TRAPPC9: variants seen among roughly 807,000 people sequenced by gnomAD.
TRAPPC9 encodes the protein trafficking protein particle complex subunit 9.
In TRAPPC9, 83 loss-of-function variants were observed where a neutral mutation model predicts 124.0. That is an observed-to-expected ratio of 0.67 (90% CI 0.56 to 0.80). The LOEUF is 0.80. Among genes scored for constraint, TRAPPC9 ranks in the 30% least tolerant of loss-of-function variants. The probability of loss-of-function intolerance (pLI) is 0.00; values close to 1 mark genes in which losing one functional copy is unlikely to be tolerated. For synonymous variants in TRAPPC9, 638 were observed against 617.5 expected (o/e 1.03, Z -0.49); for missense variants, 1,302 against 1,508.3 (o/e 0.86, Z 2.27).
chr8:140,153,473 C>A (rs1339319327), intron 17 of TRAPPC9, among the ~76,000 whole-genome samples: 1 of 152,090 alleles, frequency 6.6e-6, no homozygotes, highest in Non-Finnish European at 1.5e-5. Context: ...GCTATCAACA[C>A]TCTGTGCACA....
chr8:139,830,344 ACG>A (rs1309793336), intron 21 of TRAPPC9, among the ~76,000 whole-genome samples: 1 of 152,022 alleles, frequency 6.6e-6, no homozygotes, highest in African/African-American at 2.4e-5. Flanking sequence ...GAATATACAC[ACG>A]CAATTACACA....
chr8:139,912,747 T>G (rs1393382796), intron 19 of TRAPPC9, among the ~76,000 whole-genome samples: 1 of 152,196 alleles, frequency 6.6e-6, no homozygotes, highest in East Asian at 1.9e-4. Flanking sequence ...ACCCCTGAGG[T>G]TGAACATTTT....
At chr8:139,919,827 G>C (rs951274953) in intron 19 of TRAPPC9, among the ~76,000 whole-genome samples, 1 of 152,196 alleles carries the variant, frequency 6.6e-6, no homozygotes, top group Non-Finnish European at 1.5e-5. Context: ...GCAGTGGCTT[G>C]AGGGCCCAAG....
intron 21 of TRAPPC9, among the ~76,000 whole-genome samples, chr8:139,789,724 G>C (rs563610443): frequency 6.6e-6 from 1 of 152,192 alleles, no homozygotes; most frequent in Non-Finnish European, 1.5e-5. Context: ...CTGTGACGCC[G>C]GAAGCCTGTG....
intron 20 of TRAPPC9, among the ~76,000 whole-genome samples, chr8:139,888,620 C>T (rs1048074313): frequency 1.3e-5 from 2 of 152,174 alleles, no homozygotes; most frequent in Non-Finnish European, 1.5e-5. Flanking sequence ...GTCTTACTCT[C>T]GCGCAAGCAA....
chr8:140,043,595 C>G (rs144011161), intron 17 of TRAPPC9, among the ~76,000 whole-genome samples: 1 of 152,326 alleles, frequency 6.6e-6, no homozygotes, highest in East Asian at 1.9e-4. Context: ...CACAGCACAT[C>G]TGAAGGAGCA....
chr8:139,909,232 C>T (rs936361946), intron 20 of TRAPPC9, among the ~76,000 whole-genome samples: 1 of 152,186 alleles, frequency 6.6e-6, no homozygotes, highest in Admixed American at 6.5e-5. Flanking sequence ...ATCAGAGCTG[C>T]CCCTTCCCCG....
At chr8:140,302,509 T>C (rs2066008688) in intron 10 of TRAPPC9, among the ~76,000 whole-genome samples, 1 of 152,202 alleles carries the variant, frequency 6.6e-6, no homozygotes. Flanking sequence ...AGGGATAAAG[T>C]GTCCAAGACA....
At chr8:139,846,164 C>A (rs1563858929) in intron 21 of TRAPPC9, among the ~76,000 whole-genome samples, 1 of 152,246 alleles carries the variant, frequency 6.6e-6, no homozygotes, top group Non-Finnish European at 1.5e-5. Flanking sequence ...TCAGACAGCT[C>A]GGCTTGGTGC....
At chr8:139,836,035 G>T (rs1198226560) in intron 21 of TRAPPC9, among the ~76,000 whole-genome samples, 1 of 151,380 alleles carries the variant, frequency 6.6e-6, no homozygotes, top group Non-Finnish European at 1.5e-5. Context: ...TTGAGACAGA[G>T]TCTCACTCCG....
intron 16 of TRAPPC9, among the ~76,000 whole-genome samples, chr8:140,251,112 T>C (rs1335407635): frequency 1.3e-5 from 2 of 152,106 alleles, no homozygotes; most frequent in Non-Finnish European, 2.9e-5. Flanking sequence ...TTCCACACTG[T>C]TCCTCAGGAA....
intron 19 of TRAPPC9, among the ~76,000 whole-genome samples, chr8:139,948,265 A>G (rs956690614): frequency 1.5e-4 from 9 of 60,356 alleles, no homozygotes; most frequent in African/African-American, 2.6e-4. Context: ...ACACACACAC[A>G]CACACACACA....
intron 7 of TRAPPC9, among the ~76,000 whole-genome samples, chr8:140,381,031 C>A (rs1044243635): frequency 2.0e-5 from 3 of 151,684 alleles, no homozygotes; most frequent in African/African-American, 4.8e-5. Flanking sequence ...ATTATGAAAC[C>A]CTGTCTTTAC....
At chr8:140,152,238 A>AG (rs1330387798) in intron 17 of TRAPPC9, among the ~76,000 whole-genome samples, 2 of 148,024 alleles carry the variant, frequency 1.4e-5, no homozygotes, top group African/African-American at 5.1e-5. Context: ...TAAGCTTTAA[A>AG]AAAAAAAAAA....
chr8:140,014,631 G>A (rs76332856), intron 18 of TRAPPC9, among the ~76,000 whole-genome samples: 1,535 of 152,202 alleles, frequency 0.01, 26 homozygotes, highest in African/African-American at 0.035. Flanking sequence ...CAAAGATACG[G>A]CTCCTACAAA....
At chr8:139,744,654 A>G (rs1015068236) in intron 21 of TRAPPC9, among the ~76,000 whole-genome samples, 1 of 152,164 alleles carries the variant, frequency 6.6e-6, no homozygotes, top group Non-Finnish European at 1.5e-5. Flanking sequence ...TTCGCTCTCA[A>G]TCCACCAAAT....
At chr8:139,901,692 A>G (rs1831031720) in intron 20 of TRAPPC9, among the ~76,000 whole-genome samples, 2 of 152,320 alleles carry the variant, frequency 1.3e-5, no homozygotes, top group African/African-American at 4.8e-5. Flanking sequence ...TCCTCTGGTA[A>G]GTGGGGATAA....
intron 17 of TRAPPC9, among the ~76,000 whole-genome samples, chr8:140,042,655 G>C (rs963011221): frequency 1.3e-5 from 2 of 152,178 alleles, no homozygotes; most frequent in African/African-American, 4.8e-5. Context: ...GTCCGGGACC[G>C]CCTGGGCCCA....
chr8:140,079,283 A>G (rs1237807586), intron 17 of TRAPPC9, among the ~76,000 whole-genome samples: 1 of 152,188 alleles, frequency 6.6e-6, no homozygotes, highest in Admixed American at 6.5e-5. Flanking sequence ...GTGAGAACAG[A>G]CTAATACAGA....
Sources: allele counts gnomAD v4.1 joint callset (sites outside exome capture counted in the v4.1 genomes callset), GRCh38; gene constraint gnomAD v4.1.1; transcripts MANE v1.5; gene names NCBI Gene and HGNC (gene_info 2026-07-23, HGNC 2026-07-21).